Variants in MACROD2 observed in about 807,000 individuals in gnomAD.
The protein encoded by MACROD2 is ADP-ribose glycohydrolase MACROD2.
A neutral mutation model predicts 70.4 loss-of-function variants in MACROD2; 36 were observed. The observed-to-expected ratio is 0.51, with a 90% CI of 0.39 to 0.68. The LOEUF is 0.68. Among genes scored for constraint, MACROD2 ranks in the 30% least tolerant of loss-of-function variants. The pLI, the probability that MACROD2 is intolerant of heterozygous loss-of-function variation, is 0.00. For synonymous variants in MACROD2, 172 were observed against 178.8 expected, an observed-to-expected ratio of 0.96 and a Z score of 0.30; for missense variants, 496 against 538.4, an observed-to-expected ratio of 0.92 and a Z score of 0.78.
chr20:15,230,549 G>A (rs1048217203), intron 6 of MACROD2, among the ~76,000 whole-genome samples: 12 of 152,046 alleles, frequency 7.9e-5, no homozygotes, highest in African/African-American at 2.4e-4. Context: ...ATTACTCTGC[G>A]TATGTATTTT....
At position 15,629,922 on chromosome 20, in the gene MACROD2, G is replaced by A. The variant is rs527467652; in HGVS notation, c.645+130075G>A. ...GGAATGAATGCTTTGAAGTAATTTA[G>A]CAATGTGGGAATGGTCAAACATTTT... On this transcript the variant is annotated intron_variant, in intron 8 of 17. Transcript: ENST00000684519. Among the ~76,000 whole-genome samples the A allele has an allele frequency of 7.0e-4, 107 of 152,316 alleles. 1 individual carries two copies. Among genetic ancestry groups the A allele is most frequent in the Admixed American group, 1.6e-3 (24 of 15,292 alleles).
At chr20:14,878,373 T>G (rs2073573302) in intron 5 of MACROD2, among the ~76,000 whole-genome samples, 1 of 152,164 alleles carries the variant, frequency 6.6e-6, no homozygotes, top group African/African-American at 2.4e-5. Flanking sequence ...ATCAAGAGTG[T>G]CAAAGCATGA....
intron 3 of MACROD2, among the ~76,000 whole-genome samples, chr20:14,148,977 G>A (rs987653914): frequency 1.3e-5 from 2 of 151,858 alleles, no homozygotes; most frequent in African/African-American, 2.4e-5. Context: ...GCTGTTCCAG[G>A]TGCTTCTCCT....
chr20:15,871,497 G>C (rs1026944148), intron 9 of MACROD2, among the ~76,000 whole-genome samples: 60 of 152,132 alleles, frequency 3.9e-4, no homozygotes, highest in Non-Finnish European at 7.9e-4. Context: ...TACTGTTCTT[G>C]TAATAGTCCT....
chr20:15,711,643 T>C (rs149373503), intron 8 of MACROD2, among the ~76,000 whole-genome samples: 1 of 152,306 alleles, frequency 6.6e-6, no homozygotes, highest in East Asian at 1.9e-4. Flanking sequence ...ACATGTGGCT[T>C]TTGAGCTTTG....
intron 5 of MACROD2, among the ~76,000 whole-genome samples, chr20:15,007,482 C>T (rs1466762797): frequency 6.6e-6 from 1 of 152,100 alleles, no homozygotes; most frequent in African/African-American, 2.4e-5. Flanking sequence ...TGTAATAATG[C>T]ATCATGAGTG....
At chr20:14,141,169 G>T (rs1021525563) in intron 3 of MACROD2, among the ~76,000 whole-genome samples, 6 of 152,140 alleles carry the variant, frequency 3.9e-5, no homozygotes, top group African/African-American at 1.2e-4. Context: ...GAACAGAGAG[G>T]TATCTGCTTG....
At chr20:15,146,538 A>G (rs754244742) in intron 5 of MACROD2, among the ~76,000 whole-genome samples, 1 of 152,202 alleles carries the variant, frequency 6.6e-6, no homozygotes, top group African/African-American at 2.4e-5. Flanking sequence ...TAGCACAATT[A>G]GAGCAGGGCG....
chr20:15,548,618 A>G (rs916996446), intron 8 of MACROD2, among the ~76,000 whole-genome samples: 1 of 151,236 alleles, frequency 6.6e-6, no homozygotes, highest in African/African-American at 2.4e-5. Context: ...CTGGTCCTGA[A>G]CTCCTGACCT....
intron 7 of MACROD2, among the ~76,000 whole-genome samples, chr20:15,459,433 T>C (rs915464317): frequency 6.6e-6 from 1 of 152,160 alleles, no homozygotes; most frequent in African/African-American, 2.4e-5. Flanking sequence ...TCTTAATACC[T>C]GCCATATTAA....
chr20:15,358,532 A>C (rs891258918), intron 6 of MACROD2, among the ~76,000 whole-genome samples: 9 of 152,192 alleles, frequency 5.9e-5, no homozygotes, highest in African/African-American at 2.2e-4. Flanking sequence ...TTAATGGCCA[A>C]TAAGGAAAGA....
intron 7 of MACROD2, among the ~76,000 whole-genome samples, chr20:15,472,314 A>G (rs1340111376): frequency 6.6e-6 from 1 of 151,884 alleles, no homozygotes; most frequent in African/African-American, 2.4e-5. Context: ...TTTCCTAGCT[A>G]ATCTTCTTCC....
chr20:15,939,433 G>A (rs1197367337), intron 12 of MACROD2, among the ~76,000 whole-genome samples: 1 of 152,062 alleles, frequency 6.6e-6, no homozygotes, highest in Non-Finnish European at 1.5e-5. Context: ...CTCTGTAAAT[G>A]GCACAACAAA....
chr20:15,827,683 T>C (rs1005830128), intron 8 of MACROD2, among the ~76,000 whole-genome samples: 1 of 152,186 alleles, frequency 6.6e-6, no homozygotes, highest in African/African-American at 2.4e-5. Context: ...ATGAATGGAA[T>C]CAATCATCTA....
chr20:15,631,604 A>G (rs1390140576), intron 8 of MACROD2, among the ~76,000 whole-genome samples: 1 of 152,160 alleles, frequency 6.6e-6, no homozygotes, highest in Non-Finnish European at 1.5e-5. Context: ...TTGAACCATT[A>G]CAGTACTTTT....
intron 5 of MACROD2, among the ~76,000 whole-genome samples, chr20:14,883,136 C>T (rs2073629906): frequency 6.6e-6 from 1 of 152,128 alleles, no homozygotes; most frequent in East Asian, 1.9e-4. Context: ...GTAAGATTCT[C>T]TCTCATGTCT....
At chr20:15,084,403 C>T (rs1477995313) in intron 5 of MACROD2, among the ~76,000 whole-genome samples, 1 of 152,084 alleles carries the variant, frequency 6.6e-6, no homozygotes, top group East Asian at 1.9e-4. Flanking sequence ...TGCTTTTCCT[C>T]TTCACCATGA....
intron 12 of MACROD2, among the ~76,000 whole-genome samples, chr20:15,958,018 T>A (rs1487790616): frequency 6.6e-6 from 1 of 152,238 alleles, no homozygotes; most frequent in East Asian, 1.9e-4. Flanking sequence ...ACAAATATGT[T>A]TGAGGATTAT....
intron 5 of MACROD2, among the ~76,000 whole-genome samples, chr20:14,702,589 ATATATATGTGTG>A (rs71190142): frequency 0.025 from 14 of 566 alleles, 3 homozygotes; most frequent in Admixed American, 0.12. Context: ...ATATATATGT[ATATATATGTGTG>A]TATATATATG....
Sources: gnomAD v4.1 joint callset for allele counts (sites outside exome capture counted in the v4.1 genomes callset) on GRCh38, gnomAD v4.1.1 for gene constraint, MANE v1.5 for transcripts, NCBI Gene and HGNC (gene_info 2026-07-23, HGNC 2026-07-21) for gene names.